The following MEF2B variants were observed in gnomAD, a reference collection of about 807,000 sequenced individuals.
MEF2B encodes the protein myocyte-specific enhancer factor 2B.
In MEF2B, 15 loss-of-function variants were observed where a neutral mutation model predicts 32.2. The observed-to-expected ratio is 0.47, with a 90% CI of 0.31 to 0.72. The LOEUF is 0.72. MEF2B is among the 30% of genes least tolerant of loss of function. The pLI is 0.05. For missense variants in MEF2B, 441 were observed against 511.5 expected, an observed-to-expected ratio of 0.86 and a Z score of 1.33; for synonymous variants, 205 against 225.6, an observed-to-expected ratio of 0.91 and a Z score of 0.82.
intron 1 of MEF2B, among the ~76,000 whole-genome samples, chr19:19,163,530 C>T (rs977704806): frequency 1.3e-5 from 2 of 152,188 alleles, no homozygotes; most frequent in African/African-American, 2.4e-5. Flanking sequence ...TGATGAGCAT[C>T]TCGCCCTGCC....
chr19:19,146,622 G>A lies in MEF2B; in HGVS notation c.702C>T (p.Asn234=). The part of the protein sequence containing the change: ...TSRSLYSGLQ[N]PCSTATPGPP... ...GTCCGGGAGTTGCAGTGGAGCAGGGGTTCTGCAGGCCACTGTAGAGGCTTC... is the reference window on the plus strand; with the variant it reads ...GTCCGGGAGTTGCAGTGGAGCAGGGATTCTGCAGGCCACTGTAGAGGCTTC... The change falls in exon 7 of 9, where the codon AAC becomes AAT. Residue 234 remains asparagine, a synonymous_variant. Transcript: ENST00000424583. The A allele has an allele frequency of 6.2e-7, 1 of 1,611,982 alleles. No homozygotes were observed. The highest frequency in any genetic ancestry group is 8.5e-7 in the Non-Finnish European group (1 of 1,179,094).
Position 19,146,356 on chromosome 19 carries a change from G to A in MEF2B, c.798C>T (p.Pro266=). Residue 266 remains proline, a synonymous_variant, in exon 8 of 9, where the codon CCC becomes CCT. Transcript: ENST00000424583. ...PEYGLGDPPP[P]PGLLQPPTLA... Reference sequence around the variant, plus strand: ...GGGTGGGGGGCTGCAACAAGCCAGGGGGCGGTGGAGGGTCTCCCAGGCCAT... The same window carrying A: ...GGGTGGGGGGCTGCAACAAGCCAGGAGGCGGTGGAGGGTCTCCCAGGCCAT... 1.8e-6 allele frequency: 2 copies of A among 1,104,662 alleles called. No homozygotes were observed. Among genetic ancestry groups the A allele is most frequent in the Non-Finnish European group, 2.4e-6 (2 of 820,006 alleles). 68.4% of individuals were successfully genotyped at this position (1,104,662 alleles called of 1,614,324 possible).
chr19:19,160,916 T>G (rs1014922823), intron 1 of MEF2B, among the ~76,000 whole-genome samples: 46 of 151,190 alleles, frequency 3.0e-4, no homozygotes, highest in South Asian at 8.4e-4. Flanking sequence ...CCTAGGGAGG[T>G]GGTACCCAGG....
At chr19:19,169,790 G>C in intron 1 of MEF2B, among the ~76,000 whole-genome samples, 1 of 152,274 alleles carries the variant, frequency 6.6e-6, no homozygotes, top group East Asian at 1.9e-4. Flanking sequence ...TACACCCACA[G>C]CAAGAAGGCA....
intron 3 of MEF2B, 144 bp downstream of exon 3, chr19:19,149,078 GGTCC>G: frequency 4.1e-6 from 4 of 978,280 alleles, no homozygotes; most frequent in Non-Finnish European, 6.0e-6. Context: ...ATGAGTGGAG[GGTCC>G]CTTCTAGGGA....
intron 2 of MEF2B, 64 bp from the exon 3 acceptor site, chr19:19,149,493 G>C: frequency 6.2e-7 from 1 of 1,603,158 alleles, no homozygotes; most frequent in Non-Finnish European, 8.5e-7. Context: ...GGTGGTGTAG[G>C]GGAATTGGCA....
intron 1 of MEF2B, among the ~76,000 whole-genome samples, chr19:19,156,701 G>T (rs2060122805): frequency 1.3e-5 from 2 of 152,126 alleles, no homozygotes; most frequent in African/African-American, 2.4e-5. Flanking sequence ...GCCCAGGCTG[G>T]AGTTCAGTGG....
At chr19:19,162,556 G>A (rs2060172635) in intron 1 of MEF2B, among the ~76,000 whole-genome samples, 1 of 152,322 alleles carries the variant, frequency 6.6e-6, no homozygotes, top group African/African-American at 2.4e-5. Context: ...TCCAGCTGGA[G>A]AAGGCCCCAT....
Position 19,168,273 on chromosome 19 carries a change from T to C in MEF2B, c.-30+1932A>G, listed in dbSNP as rs1280279489. 3.5e-3 allele frequency among the ~76,000 whole-genome samples: 512 copies of C among 145,358 alleles called. 4 individuals carry two copies. The highest frequency in any genetic ancestry group is 0.012 in the African/African-American group (481 of 39,832). ...TATTGTTTTGTTTCTTTCTTCTTTT[T>C]TTTTTTTTTTTTTTTTTGAGATGGA... On this transcript the variant is annotated intron_variant, in intron 1 of 8. Coordinates refer to ENST00000424583, the MANE Select transcript of MEF2B (RefSeq NM_001145785.2).
At chr19:19,168,664 G>A (rs2146390134) in intron 1 of MEF2B, among the ~76,000 whole-genome samples, 1 of 151,838 alleles carries the variant, frequency 6.6e-6, no homozygotes, top group South Asian at 2.1e-4. Context: ...CTCAGTCATA[G>A]CTCACTGCAG....
chr19:19,153,165 C>G (rs2060096922), intron 1 of MEF2B, among the ~76,000 whole-genome samples: 1 of 152,174 alleles, frequency 6.6e-6, no homozygotes, highest in Non-Finnish European at 1.5e-5. Context: ...AGGCCTGAGT[C>G]TCTTAAGCCT....
chr19:19,158,595 G>GAA lies in MEF2B; in HGVS notation c.-29-7833_-29-7832dup, dbSNP rs112542162. On this transcript the variant is annotated intron_variant, in intron 1 of 8. Transcript: ENST00000424583. ...CAACATGGCAAAGCCCTGTCTGTAG[G>GAA]AAAAAAAAAAAAAAATTAGCTAAGT... 5.3e-5 allele frequency among the ~76,000 whole-genome samples: 7 copies of GAA among 132,310 alleles called. No individual in the cohort carries two copies. In the East Asian group the frequency reaches 1.4e-3, roughly 26 times the overall value. The allele number at this position is 132,310 out of a possible 152,430, so 86.8% of individuals were successfully genotyped here.
intron 4 of MEF2B, among the ~76,000 whole-genome samples, chr19:19,147,402 A>G (rs1186469712): frequency 1.4e-5 from 1 of 72,190 alleles, no homozygotes; most frequent in Non-Finnish European, 3.1e-5. Context: ...GTAGGTCCAG[A>G]GCCAAGACCT....
chr19:19,148,193 G>A (rs1399878677), intron 3 of MEF2B, among the ~76,000 whole-genome samples: 1 of 152,260 alleles, frequency 6.6e-6, no homozygotes, highest in African/African-American at 2.4e-5. Flanking sequence ...GCCGGGCGCG[G>A]TGGCTCACGC....
In MEF2B at chr19:19,147,914, C is replaced by T. The variant is rs1277107690; in HGVS notation, c.259-82G>A. The stretch of plus-strand genomic sequence containing the variant: ...CAGTTCTATGGGAGAGGGGACAGAC[C>T]ATCCCCACCCAGCTCCATGAGTGGG... On this transcript the variant is annotated intron_variant, in intron 3 of 8. Transcript: ENST00000424583. 4.0e-6 allele frequency: 6 copies of T among 1,518,552 alleles called. No individual in the cohort carries two copies. In the African/African-American group the frequency reaches 5.5e-5, roughly 14 times the overall value. The allele number at this position is 1,518,552 out of a possible 1,614,324, so 94.1% of individuals were successfully genotyped here. A position where few individuals can be genotyped will look rare whatever the true frequency, so the allele number is the denominator to read the frequency against.
chr19:19,164,542 G>A (rs117078633), intron 1 of MEF2B, among the ~76,000 whole-genome samples: 4,810 of 152,310 alleles, frequency 0.032, 128 homozygotes, highest in East Asian at 0.089. Context: ...GGCCGGGTGC[G>A]GTGGCTCACG....
intron 1 of MEF2B, among the ~76,000 whole-genome samples, chr19:19,158,301 T>C (rs973287845): frequency 2.7e-4 from 41 of 150,334 alleles, no homozygotes; most frequent in Non-Finnish European, 7.4e-5. Context: ...TTGGCCAGGC[T>C]GGTCTTAAAC....
At position 19,149,428 on chromosome 19, in the gene MEF2B, A is replaced by G; in HGVS notation, c.56T>C (p.Val19Ala). Reference sequence around the variant, plus strand: ...CCCGAACTTCCGCTTGGTGAACGTCACCTGGACCCAGGACCCACAGGGGCA... The same window carrying G: ...CCCGAACTTCCGCTTGGTGAACGTCGCCTGGACCCAGGACCCACAGGGGCA... ...SRILDQRNRQVTFTKRKFGLM... is the reference protein window; with the variant it reads ...SRILDQRNRQATFTKRKFGLM... The change falls in exon 3 of 9, where the codon GTG becomes GCG. Residue 19 changes from valine to alanine, a missense_variant and splice_region_variant. This residue lies in a region of MEF2B where 115 missense variants were observed against 183.1 expected (regional missense o/e 0.63). Transcript: ENST00000424583. The G allele has an allele frequency of 6.2e-7, 1 of 1,613,948 alleles. No individual in the cohort carries two copies. The highest frequency in any genetic ancestry group is 8.5e-7 in the Non-Finnish European group (1 of 1,179,994).
At chr19:19,163,055 C>A (rs894110247) in intron 1 of MEF2B, among the ~76,000 whole-genome samples, 1 of 152,212 alleles carries the variant, frequency 6.6e-6, no homozygotes, top group Non-Finnish European at 1.5e-5. Context: ...CTGTGTCCAA[C>A]CCCGGGACAC....
Sources: allele counts gnomAD v4.1 joint callset (sites outside exome capture counted in the v4.1 genomes callset), GRCh38; gene constraint gnomAD v4.1.1; regional missense constraint gnomAD v4.1.1; transcripts MANE v1.5; gene names NCBI Gene and HGNC (gene_info 2026-07-23, HGNC 2026-07-21).